DMD: variants seen among roughly 807,000 people sequenced by gnomAD.
DMD encodes the protein dystrophin.
Under a neutral mutation model 330.1 loss-of-function variants are expected in DMD, and 63 were observed. The observed-to-expected ratio is 0.19, with a 90% CI of 0.16 to 0.24. The LOEUF is 0.24. Ranked by LOEUF, DMD falls within the 10% of genes least tolerant of loss-of-function variation. The pLI is 1.00. For missense variants in DMD, 3,344 were observed against 2,684.1 expected, an observed-to-expected ratio of 1.25 and a Z score of -5.43; for synonymous variants, 1,223 against 959.8, an observed-to-expected ratio of 1.27 and a Z score of -5.07.
intron 1 of DMD, among the ~76,000 whole-genome samples, chrX:33,324,541 C>T (rs1382150111): frequency 1.8e-5 from 2 of 111,295 alleles, no homozygotes; most frequent in African/African-American, 3.3e-5. Flanking sequence ...TGGAACGCTC[C>T]TTCAATCAAT....
At chrX:33,118,280 T>C (rs1273015343) in intron 1 of DMD, among the ~76,000 whole-genome samples, 8 of 107,941 alleles carry the variant, frequency 7.4e-5, no homozygotes, top group East Asian at 2.9e-4. Context: ...CCGGCTAATT[T>C]TTTGTATTTT....
At chrX:33,186,980 C>T (rs1198505178) in intron 1 of DMD, among the ~76,000 whole-genome samples, 5 of 111,886 alleles carry the variant, frequency 4.5e-5, no homozygotes, top group Non-Finnish European at 7.5e-5. Flanking sequence ...GCTATGTGAG[C>T]GTTGTAAATT....
At chrX:31,473,469 C>T (rs1334638941) in intron 59 of DMD, among the ~76,000 whole-genome samples, 1 of 109,990 alleles carries the variant, frequency 9.1e-6, no homozygotes, top group Non-Finnish European at 1.9e-5. Flanking sequence ...CGCCTGTAAT[C>T]CCAGCACTTT....
chrX:32,793,333 T>C (rs2148644542), intron 7 of DMD, among the ~76,000 whole-genome samples: 1 of 110,614 alleles, frequency 9.0e-6, no homozygotes, highest in South Asian at 3.8e-4. Context: ...ACATCAAAAA[T>C]GTTGAAATAT....
At chrX:32,634,950 T>G (rs12846860) in intron 11 of DMD, among the ~76,000 whole-genome samples, 1 of 111,511 alleles carries the variant, frequency 9.0e-6, no homozygotes, top group Non-Finnish European at 1.9e-5. Flanking sequence ...TAGACTACCT[T>G]TGAAGTTTAT....
At chrX:33,009,185 T>TGC (rs1557205032) in intron 2 of DMD, among the ~76,000 whole-genome samples, 1 of 19,937 alleles carries the variant, frequency 5.0e-5, no homozygotes, top group African/African-American at 1.8e-4. Flanking sequence ...TATATATACG[T>TGC]ATATATGTAT....
chrX:33,235,770 G>C (rs1274040898), intron 1 of DMD, among the ~76,000 whole-genome samples: 1 of 109,776 alleles, frequency 9.1e-6, no homozygotes, highest in African/African-American at 3.3e-5. Context: ...AATATAATCT[G>C]CTCCTCCCAG....
chrX:31,286,345 C>T (rs1207861551), intron 62 of DMD, among the ~76,000 whole-genome samples: 7 of 112,249 alleles, frequency 6.2e-5, no homozygotes, highest in Non-Finnish European at 1.1e-4. Flanking sequence ...TTCTTACTCA[C>T]GAATCTTCAT....
At chrX:31,830,721 A>C (rs1246469131) in intron 49 of DMD, among the ~76,000 whole-genome samples, 1 of 112,211 alleles carries the variant, frequency 8.9e-6, no homozygotes, top group East Asian at 2.8e-4. Flanking sequence ...CGTGAAAAAT[A>C]GCTCTGCTGA....
At position 33,107,510 on chromosome X, in the gene DMD, A is replaced by AT. The variant is rs772049532; in HGVS notation, c.32-87311dup. Among the ~76,000 whole-genome samples the AT allele has an allele frequency of 1.3e-4, 14 of 111,380 alleles. 1 individual carries two copies. In the South Asian group the frequency reaches 5.2e-3, roughly 42 times the overall value. On this transcript the variant is annotated intron_variant, in intron 1 of 78. Transcript: ENST00000357033. The stretch of plus-strand genomic sequence containing the variant: ...CTGGAAATAATAAATTTAAATCAGC[A>AT]TTTTTTTAAATTTAGAAATTCATAA...
chrX:32,077,992 A>G (rs1257893038), intron 44 of DMD, among the ~76,000 whole-genome samples: 1 of 110,212 alleles, frequency 9.1e-6, no homozygotes, highest in East Asian at 2.9e-4. Context: ...TCTTGAGACT[A>G]TTTATGTTCT....
intron 9 of DMD, among the ~76,000 whole-genome samples, chrX:32,648,117 AT>A (rs1274874297): frequency 1.8e-5 from 2 of 111,994 alleles, no homozygotes; most frequent in African/African-American, 3.2e-5. Flanking sequence ...ACAGGATTGA[AT>A]TTTGGAAGAA....
At chrX:31,365,133 C>T (rs1429099544) in intron 60 of DMD, among the ~76,000 whole-genome samples, 1 of 106,616 alleles carries the variant, frequency 9.4e-6, no homozygotes, top group African/African-American at 3.4e-5. Flanking sequence ...ATATTAGATG[C>T]CACAAGGTTA....
chrX:31,859,181 C>T (rs1330715024), intron 48 of DMD, among the ~76,000 whole-genome samples: 1 of 111,183 alleles, frequency 9.0e-6, no homozygotes, highest in Non-Finnish European at 1.9e-5. Flanking sequence ...ATAGAGATCT[C>T]AGGTCATGTA....
intron 1 of DMD, among the ~76,000 whole-genome samples, chrX:33,042,145 A>T (rs183214766): frequency 1.3e-4 from 14 of 111,441 alleles, no homozygotes; most frequent in Non-Finnish European, 2.6e-4. Context: ...AAAAAAGAGA[A>T]CTTTTGTAAT....
At chrX:32,506,268 C>A (rs1387036742) in intron 18 of DMD, among the ~76,000 whole-genome samples, 2 of 110,140 alleles carry the variant, frequency 1.8e-5, no homozygotes, top group Non-Finnish European at 3.8e-5. Flanking sequence ...GGCTATGTAT[C>A]TGTGGGAGCC....
chrX:32,820,981 G>A (rs1460308934), intron 5 of DMD, among the ~76,000 whole-genome samples: 1 of 111,231 alleles, frequency 9.0e-6, no homozygotes, highest in Non-Finnish European at 1.9e-5. Flanking sequence ...AGCAGTTTGG[G>A]GAGAGATGCG....
At chrX:32,710,827 C>T (rs987349425) in intron 7 of DMD, among the ~76,000 whole-genome samples, 6 of 110,796 alleles carry the variant, frequency 5.4e-5, no homozygotes, top group African/African-American at 2.0e-4. Context: ...CTTGTCATCT[C>T]ACTAAAACTA....
chrX:32,976,555 T>C (rs887062666), intron 2 of DMD, among the ~76,000 whole-genome samples: 6 of 111,260 alleles, frequency 5.4e-5, no homozygotes, highest in Admixed American at 9.6e-5. Flanking sequence ...AAAGGGAAAA[T>C]GTGCACTTAT....
Sources: gnomAD v4.1 joint callset for allele counts (sites outside exome capture counted in the v4.1 genomes callset) on GRCh38, gnomAD v4.1.1 for gene constraint, MANE v1.5 for transcripts, NCBI Gene and HGNC (gene_info 2026-07-23, HGNC 2026-07-21) for gene names.